Variants in ARMH3 observed in about 807,000 individuals in gnomAD.
ARMH3 encodes armadillo like helical domain containing 3.
A neutral mutation model predicts 99.1 loss-of-function variants in ARMH3; 60 were observed. That is an observed-to-expected ratio of 0.61 (90% CI 0.49 to 0.75). ARMH3 has a LOEUF of 0.75. Among genes scored for constraint, ARMH3 ranks in the 30% least tolerant of loss-of-function variants. The pLI is 0.00. For synonymous variants in ARMH3, 285 were observed against 292.8 expected (o/e 0.97, Z 0.27); for missense variants, 679 against 843.1 (o/e 0.81, Z 2.41).
In ARMH3 at chr10:101,867,339, C is replaced by G. The variant is rs1038151975; in HGVS notation, c.1861-17447G>C. ...ATGCCACTGGCTACCCATGACCCCACGAATTCAGCACCAACCATGGGTGCC... is the reference window on the plus strand; with the variant it reads ...ATGCCACTGGCTACCCATGACCCCAGGAATTCAGCACCAACCATGGGTGCC... On this transcript the variant is annotated intron_variant, in intron 24 of 25. Transcript: ENST00000370033. Among the ~76,000 whole-genome samples, 4 of 152,308 alleles carry G rather than the reference C, an allele frequency of 2.6e-5. No homozygotes were observed. The South Asian group carries it at 8.3e-4, about 32-fold the overall frequency.
intron 20 of ARMH3, among the ~76,000 whole-genome samples, chr10:101,963,986 C>T (rs139389375): frequency 6.6e-6 from 1 of 151,476 alleles, no homozygotes; most frequent in African/African-American, 2.4e-5. Flanking sequence ...ACGCCATTCT[C>T]CTGCCTCAGC....
intron 23 of ARMH3, among the ~76,000 whole-genome samples, chr10:101,910,380 G>T (rs939838624): frequency 1.3e-5 from 2 of 152,136 alleles, no homozygotes; most frequent in South Asian, 2.1e-4. Flanking sequence ...TATTTAGATT[G>T]TGTTATTTGC....
At chr10:101,877,865 G>C (rs1439890863) in intron 24 of ARMH3, among the ~76,000 whole-genome samples, 1 of 152,044 alleles carries the variant, frequency 6.6e-6, no homozygotes, top group Non-Finnish European at 1.5e-5. Context: ...TTCTCTGCCA[G>C]TGACCTCTGC....
intron 19 of ARMH3, among the ~76,000 whole-genome samples, chr10:101,980,236 C>T (rs1846167523): frequency 6.6e-6 from 1 of 152,128 alleles, no homozygotes; most frequent in South Asian, 2.1e-4. Flanking sequence ...GAAAACTGAA[C>T]CTAGGTAAAC....
At chr10:101,871,750 C>T (rs558967919) in intron 24 of ARMH3, among the ~76,000 whole-genome samples, 1 of 152,236 alleles carries the variant, frequency 6.6e-6, no homozygotes, top group Admixed American at 6.5e-5. Flanking sequence ...CTTGTAATCC[C>T]AGCACTTTGG....
intron 23 of ARMH3, among the ~76,000 whole-genome samples, chr10:101,928,235 G>A (rs1843583574): frequency 6.6e-6 from 1 of 152,132 alleles, no homozygotes; most frequent in South Asian, 2.1e-4. Context: ...AGGTTCCTCA[G>A]GTTGGCTGTT....
intron 24 of ARMH3, among the ~76,000 whole-genome samples, chr10:101,884,459 G>A (rs1226664069): frequency 3.9e-5 from 6 of 152,138 alleles, no homozygotes; most frequent in South Asian, 4.1e-4. Context: ...AATTTTGAAA[G>A]GTGTCCCAGA....
chr10:101,942,306 A>G (rs1405725721), intron 22 of ARMH3, among the ~76,000 whole-genome samples: 3 of 152,200 alleles, frequency 2.0e-5, no homozygotes, highest in Non-Finnish European at 2.9e-5. Flanking sequence ...CATGATTACA[A>G]CTCTGTAAAA....
chr10:101,882,514 C>T (rs1379473296), intron 24 of ARMH3, among the ~76,000 whole-genome samples: 4 of 152,142 alleles, frequency 2.6e-5, no homozygotes, highest in Admixed American at 2.0e-4. Flanking sequence ...TCCCACCCAA[C>T]ACTGAGATGG....
chr10:101,938,176 G>A (rs1844075149), intron 23 of ARMH3, among the ~76,000 whole-genome samples: 1 of 152,166 alleles, frequency 6.6e-6, no homozygotes, highest in South Asian at 2.1e-4. Context: ...TCCATGACTG[G>A]ATCTTTTTGC....
chr10:101,883,094 A>G (rs1243626852), intron 24 of ARMH3, among the ~76,000 whole-genome samples: 1 of 152,176 alleles, frequency 6.6e-6, no homozygotes, highest in Non-Finnish European at 1.5e-5. Context: ...GCAGCTGATA[A>G]TATCAAAATC....
rs377190018 is a variant in ARMH3 at position 102,012,815 on chromosome 10, C to T, written c.770+18G>A. 4.4e-6 allele frequency: 7 copies of T among 1,601,796 alleles called. No individual in the cohort carries two copies. The highest frequency in any genetic ancestry group is 6.0e-6 in the Non-Finnish European group (7 of 1,171,984). ...AATGAAAATCAGACCCCCTTCCATT[C>T]TGGAAAGGTGGACTTACCTGTTGTA... is the stretch of plus-strand genomic sequence containing the variant. On this transcript the variant is annotated intron_variant, in intron 10 of 25. Transcript: ENST00000370033.
intron 2 of ARMH3, among the ~76,000 whole-genome samples, chr10:102,036,717 C>A (rs1454665983): frequency 6.6e-6 from 1 of 152,006 alleles, no homozygotes; most frequent in African/African-American, 2.4e-5. Context: ...ATCTCAAGTA[C>A]CCAGGGACAC....
At chr10:101,899,605 A>C (rs148367637) in intron 23 of ARMH3, among the ~76,000 whole-genome samples, 2 of 152,306 alleles carry the variant, frequency 1.3e-5, no homozygotes, top group African/African-American at 4.8e-5. Context: ...TGTTAACAGA[A>C]GTGCATTACA....
chr10:102,024,712 G>C (rs1189740462), intron 6 of ARMH3, among the ~76,000 whole-genome samples: 1 of 151,852 alleles, frequency 6.6e-6, no homozygotes, highest in Non-Finnish European at 1.5e-5. Flanking sequence ...CCAGCTACTT[G>C]GGAGGCTGAG....
At position 101,849,839 on chromosome 10, in the gene ARMH3, A is replaced by C; in HGVS notation, c.1914T>G (p.Asp638Glu). 6.2e-7 allele frequency: 1 copy of C among 1,614,172 alleles called. No homozygotes were observed. The highest frequency in any genetic ancestry group is 8.5e-7 in the Non-Finnish European group (1 of 1,180,030). Residue 638 changes from aspartate (D) to glutamate (E), a missense_variant, in exon 25 of 26, where the codon GAT becomes GAG. By Grantham distance (45) the Asp-to-Glu change is conservative. Transcript: ENST00000370033. ...AGTAGCGCTCATACTGGTCCAGGCCATCCTGCAGCTTCAGCGTGAGCGTGT... is the reference window on the plus strand; with the variant it reads ...AGTAGCGCTCATACTGGTCCAGGCCCTCCTGCAGCTTCAGCGTGAGCGTGT... ...NYDTLTLKLQ[D>E]GLDQYERYSE...
intron 23 of ARMH3, among the ~76,000 whole-genome samples, chr10:101,925,860 G>A (rs538692226): frequency 3.3e-5 from 5 of 152,262 alleles, no homozygotes; most frequent in Non-Finnish European, 5.9e-5. Context: ...GCAGTGAGCC[G>A]AGATTGTGCT....
intron 20 of ARMH3, among the ~76,000 whole-genome samples, chr10:101,973,233 G>T (rs1035754536): frequency 1.3e-5 from 2 of 151,574 alleles, no homozygotes; most frequent in Non-Finnish European, 2.9e-5. Flanking sequence ...CTGGTGGTGG[G>T]TGCCTGTAGT....
chr10:102,028,132 G>A (rs2067040932), intron 5 of ARMH3, among the ~76,000 whole-genome samples: 1 of 151,962 alleles, frequency 6.6e-6, no homozygotes, highest in African/African-American at 2.4e-5. Context: ...TACATTGCTA[G>A]TGAAATTATA....
Sources: allele counts gnomAD v4.1 joint callset (sites outside exome capture counted in the v4.1 genomes callset), GRCh38; gene constraint gnomAD v4.1.1; transcripts MANE v1.5; gene names NCBI Gene and HGNC (gene_info 2026-07-23, HGNC 2026-07-21).